The following CDKN1C variants were observed in gnomAD, a reference collection of about 807,000 sequenced individuals.
CDKN1C encodes the protein cyclin dependent kinase inhibitor 1C, also known as cyclin-dependent kinase inhibitor 1C.
In CDKN1C, 7 loss-of-function variants were observed where a neutral mutation model predicts 16.5. The observed-to-expected ratio is 0.42, with a 90% CI of 0.24 to 0.80. The LOEUF is 0.80. Ranked by LOEUF, CDKN1C falls within the 30% of genes least tolerant of loss-of-function variation. CDKN1C has a pLI of 0.26. For synonymous variants in CDKN1C, 288 were observed against 214.4 expected, an observed-to-expected ratio of 1.34 and a Z score of -3.00; for missense variants, 429 against 437.3, an observed-to-expected ratio of 0.98 and a Z score of 0.17.
chr11:2,884,963 G>T lies in CDKN1C; in HGVS notation c.494C>A (p.Ala165Glu). 9.5e-7 allele frequency: 1 copy of T among 1,047,702 alleles called. No individual in the cohort carries two copies. The highest frequency in any genetic ancestry group is 1.2e-6 in the Non-Finnish European group (1 of 835,304). The allele number at this position is 1,047,702 out of a possible 1,614,324, so 64.9% of individuals were successfully genotyped here. ...CGGGGCCGGGGCCGGGGCCAGGACCGCGACCGCGACCGGAGCCGCGACCGG... is the reference window on the plus strand; with the variant it reads ...CGGGGCCGGGGCCGGGGCCAGGACCTCGACCGCGACCGGAGCCGCGACCGG... ...AAPVAAPVAV[A>E]VLAPAPAPAP... Residue 165 changes from alanine to glutamate, a missense_variant, in exon 2 of 4, where the codon GCG becomes GAG. Ala to Glu is a moderately radical substitution (Grantham distance 107, BLOSUM62 -1). Coordinates refer to ENST00000440480, the MANE Select transcript of CDKN1C (RefSeq NM_001122630.2).
At position 2,884,704 on chromosome 11, in the gene CDKN1C, C is replaced by T. The variant is rs775458829; in HGVS notation, c.753G>A (p.Ala251=). 6.7e-7 allele frequency: 1 copy of T among 1,492,892 alleles called. No homozygotes were observed. Among genetic ancestry groups the T allele is most frequent in the Non-Finnish European group, 8.9e-7 (1 of 1,124,694 alleles). The allele number at this position is 1,492,892 out of a possible 1,614,324, so 92.5% of individuals were successfully genotyped here. The change falls in exon 2 of 4, where the codon GCG becomes GCA. Residue 251 remains alanine, a synonymous_variant. Transcript: ENST00000440480. The stretch of plus-strand genomic sequence containing the variant: ...GAGGCCCGGACAGCTTCTTGATCGC[C>T]GCGCCGTTGGCGCTGGCGGCCGCGG... The part of the protein sequence containing the change: ...AGTAAASANG[A]AIKKLSGPLI...
chr11:2,885,246 C>T lies in CDKN1C; in HGVS notation c.211G>A (p.Val71Met), dbSNP rs1446106642. 6.4e-7 allele frequency: 1 copy of T among 1,560,652 alleles called. No homozygotes were observed. The highest frequency in any genetic ancestry group is 1.2e-5 in the South Asian group (1 of 85,072). ...AACGCGGGCACCGAGTCGCTGTCCACTTCGGTCCACTGCAGGCGTCCAGGG... is the reference window on the plus strand; with the variant it reads ...AACGCGGGCACCGAGTCGCTGTCCATTTCGGTCCACTGCAGGCGTCCAGGG... ...RGPGRLQWTE[V>M]DSDSVPAFYR... is the part of the protein sequence containing the mutation. The change falls in exon 2 of 4, where the codon GTG becomes ATG. Residue 71 changes from valine (V) to methionine (M), a missense_variant. By Grantham distance (21) the Val-to-Met change is conservative. Coordinates refer to ENST00000440480, the MANE Select transcript of CDKN1C (RefSeq NM_001122630.2).
intron 2 of CDKN1C, 47 bp downstream of exon 2, chr11:2,884,623 A>G: frequency 8.7e-7 from 1 of 1,153,710 alleles, no homozygotes; most frequent in Non-Finnish European, 1.1e-6. Flanking sequence ...GGCCGGCCGG[A>G]CAAAGCGGGG....
In CDKN1C at chr11:2,885,268, A is replaced by G; in HGVS notation, c.189T>C (p.Pro63=). The G allele has an allele frequency of 6.3e-7, 1 of 1,578,292 alleles. No individual in the cohort carries two copies. The highest frequency in any genetic ancestry group is 8.6e-7 in the Non-Finnish European group (1 of 1,163,544). The part of the protein sequence containing the change: ...DFQQDMPLRG[P]GRLQWTEVDS... ...CCACTTCGGTCCACTGCAGGCGTCC[A>G]GGGCCCCGCAGCGGCATGTCCTGCT... Residue 63 remains proline, a synonymous_variant, in exon 2 of 4, where the codon CCT becomes CCC. Coordinates refer to ENST00000440480, the MANE Select transcript of CDKN1C (RefSeq NM_001122630.2).
chr11:2,884,725 C>T lies in CDKN1C; in HGVS notation c.732G>A (p.Ala244=). Reference sequence around the variant, plus strand: ...TCGCCGCGCCGTTGGCGCTGGCGGCCGCGGTGCCGGCCGCGGGACGTCCCG... The same window carrying T: ...TCGCCGCGCCGTTGGCGCTGGCGGCTGCGGTGCCGGCCGCGGGACGTCCCG... ...GISGRPAAGT[A]AASANGAAIK... is the part of the protein sequence containing the mutation. Residue 244 remains alanine (A), a synonymous_variant, in exon 2 of 4, where the codon GCG becomes GCA. Coordinates refer to ENST00000440480, the MANE Select transcript of CDKN1C (RefSeq NM_001122630.2). 6.6e-7 allele frequency: 1 copy of T among 1,505,624 alleles called. No individual in the cohort carries two copies. The highest frequency in any genetic ancestry group is 8.8e-7 in the Non-Finnish European group (1 of 1,131,524). The allele number at this position is 1,505,624 out of a possible 1,614,324, so 93.3% of individuals were successfully genotyped here. A position where few individuals can be genotyped will look rare whatever the true frequency, so the allele number is the denominator to read the frequency against.
intron 2 of CDKN1C, 71 bp downstream of exon 2, chr11:2,884,598 AG>A: frequency 1.0e-6 from 1 of 973,900 alleles, no homozygotes. Flanking sequence ...GAGGCCCCCG[AG>A]GGCTGGGGGG....
At position 2,883,321 on chromosome 11, in the gene CDKN1C, T is replaced by C. The variant is rs1386583583; in HGVS notation, c.*600A>G. 6.6e-6 allele frequency: 1 copy of C among 152,530 alleles called. No individual in the cohort carries two copies. The highest frequency in any genetic ancestry group is 6.5e-5 in the Admixed American group (1 of 15,292). 9.4% of individuals were successfully genotyped at this position (152,530 alleles called of 1,614,324 possible). A position where few individuals can be genotyped will look rare whatever the true frequency, so the allele number is the denominator to read the frequency against. Reference sequence around the variant, plus strand: ...ATTTTAACAGACTTGTCTTCAAGTTTCAGATAAACACAGTCATAATAAGAG... The same window carrying C: ...ATTTTAACAGACTTGTCTTCAAGTTCCAGATAAACACAGTCATAATAAGAG... On this transcript the variant is annotated 3_prime_UTR_variant, in exon 4 of 4. Transcript: ENST00000440480.
At chr11:2,884,230 TG>T (rs1377229672) in intron 2 of CDKN1C, 96 bp from the exon 3 acceptor site, 4 of 943,590 alleles carry the variant, frequency 4.2e-6, no homozygotes, top group Non-Finnish European at 5.2e-6. Flanking sequence ...CCGGCCGGGG[TG>T]GGGGCGCCGT....
At position 2,883,988 on chromosome 11, in the gene CDKN1C, G is replaced by A; in HGVS notation, c.*5+11C>T. 1.9e-6 allele frequency: 3 copies of A among 1,560,398 alleles called. No individual in the cohort carries two copies. Among genetic ancestry groups the A allele is most frequent in the Non-Finnish European group, 2.6e-6 (3 of 1,153,512 alleles). On this transcript the variant is annotated intron_variant, in intron 3 of 3. Coordinates refer to ENST00000440480, the MANE Select transcript of CDKN1C (RefSeq NM_001122630.2). ...CGGCCCTCCGCGCCCCCCCAGGTGCGCTGTACTCACTTGGCTCACCGCAGC... is the reference window on the plus strand; with the variant it reads ...CGGCCCTCCGCGCCCCCCCAGGTGCACTGTACTCACTTGGCTCACCGCAGC...
rs1848929025 is a variant in CDKN1C at position 2,884,836 on chromosome 11, C to G, written c.621G>C (p.Ala207=). 8.2e-7 allele frequency: 1 copy of G among 1,223,992 alleles called. No individual in the cohort carries two copies. Among genetic ancestry groups the G allele is most frequent in the African/African-American group, 1.6e-5 (1 of 61,140 alleles). 75.8% of individuals were successfully genotyped at this position (1,223,992 alleles called of 1,614,324 possible). The change falls in exon 2 of 4, where the codon GCG becomes GCC. Residue 207 remains alanine, a synonymous_variant. Coordinates refer to ENST00000440480, the MANE Select transcript of CDKN1C (RefSeq NM_001122630.2). ...CCTGCTCGGCGCTCTCTTGAGGCGC[C>G]GCGTCCGGGGCCGGGGCCGGGGCGG... ...PAPAPAPAPD[A]APQESAEQGA...
rs1554937788 is a variant in CDKN1C, at chr11:2,884,797, C to T, written c.660G>A (p.Gly220=). The T allele has an allele frequency of 2.0e-6, 3 of 1,472,418 alleles. No individual in the cohort carries two copies. Among genetic ancestry groups the T allele is most frequent in the Admixed American group, 2.1e-5 (1 of 47,942 alleles). 91.2% of individuals were successfully genotyped at this position (1,472,418 alleles called of 1,614,324 possible). A position where few individuals can be genotyped will look rare whatever the true frequency, so the allele number is the denominator to read the frequency against. Residue 220 remains glycine, a synonymous_variant, in exon 2 of 4, where the codon GGG becomes GGA. Coordinates refer to ENST00000440480, the MANE Select transcript of CDKN1C (RefSeq NM_001122630.2). ...QESAEQGANQ[G]QRGQEPLADQ... ...CAGCGAGAGGCTCCTGGCCGCGCTGCCCCTGGTTCGCGCCCTGCTCGGCGC... is the reference window on the plus strand; with the variant it reads ...CAGCGAGAGGCTCCTGGCCGCGCTGTCCCTGGTTCGCGCCCTGCTCGGCGC...
rs546016935 is a variant in CDKN1C at position 2,884,788 on chromosome 11, G to A, written c.669C>T (p.Gly223=). ...AEQGANQGQR[G]QEPLADQLHS... Reference sequence around the variant, plus strand: ...GCAGCTGGTCAGCGAGAGGCTCCTGGCCGCGCTGCCCCTGGTTCGCGCCCT... The same window carrying A: ...GCAGCTGGTCAGCGAGAGGCTCCTGACCGCGCTGCCCCTGGTTCGCGCCCT... The change falls in exon 2 of 4, where the codon GGC becomes GGT. Residue 223 remains glycine (G), a synonymous_variant. Transcript: ENST00000440480. 6.7e-7 allele frequency: 1 copy of A among 1,487,320 alleles called. No homozygotes were observed. Among genetic ancestry groups the A allele is most frequent in the Non-Finnish European group, 8.9e-7 (1 of 1,119,258 alleles). 92.1% of individuals were successfully genotyped at this position (1,487,320 alleles called of 1,614,324 possible).
In CDKN1C at chr11:2,884,920, C is replaced by G. The variant is rs550978405; in HGVS notation, c.537G>C (p.Pro179=). 3 of 848,564 alleles carry G rather than the reference C, an allele frequency of 3.5e-6. No individual in the cohort carries two copies. The highest frequency in any genetic ancestry group is 1.0e-3 in the Middle Eastern group (2 of 1,958). The allele number at this position is 848,564 out of a possible 1,614,324, so 52.6% of individuals were successfully genotyped here. The change falls in exon 2 of 4, where the codon CCG becomes CCC. Residue 179 remains proline (P), a synonymous_variant. Coordinates refer to ENST00000440480, the MANE Select transcript of CDKN1C (RefSeq NM_001122630.2). The part of the protein sequence containing the change: ...PAPAPAPAPA[P]APAPVAAPAP... ...CCGGGGCCGCGACTGGAGCCGGGGC[C>G]GGAGCCGGAGCCGGAGCCGGGGCCG... is the stretch of plus-strand genomic sequence containing the variant.
chr11:2,883,653 C>T lies in CDKN1C; in HGVS notation c.*268G>A. The T allele has an allele frequency of 4.6e-6, 3 of 656,538 alleles. No individual in the cohort carries two copies. Among genetic ancestry groups the T allele is most frequent in the Non-Finnish European group, 6.5e-6 (3 of 459,948 alleles). The allele number at this position is 656,538 out of a possible 1,614,324, so 40.7% of individuals were successfully genotyped here. ...TTTTTCTTTTTTTTGCACTGAGTTT[C>T]AGCAGAGATTAAACATTTTATATAA... On this transcript the variant is annotated 3_prime_UTR_variant, in exon 4 of 4. Coordinates refer to ENST00000440480, the MANE Select transcript of CDKN1C (RefSeq NM_001122630.2).
intron 2 of CDKN1C, 80 bp from the exon 3 acceptor site, chr11:2,884,214 CG>C: frequency 8.8e-7 from 1 of 1,142,284 alleles, no homozygotes; most frequent in Non-Finnish European, 1.1e-6. Flanking sequence ...GGGCGCGGGG[CG>C]CGGGCCGGCC....
chr11:2,884,690 A>G lies in CDKN1C; in HGVS notation c.767T>C (p.Leu256Pro), dbSNP rs1254038235. The G allele has an allele frequency of 3.4e-6, 5 of 1,471,148 alleles. No homozygotes were observed. Among genetic ancestry groups the G allele is most frequent in the Admixed American group, 2.2e-5 (1 of 46,052 alleles). 91.1% of individuals were successfully genotyped at this position (1,471,148 alleles called of 1,614,324 possible). A position where few individuals can be genotyped will look rare whatever the true frequency, so the allele number is the denominator to read the frequency against. The change falls in exon 2 of 4, where the codon CTG (leucine) becomes CCG (proline). Residue 256 changes from leucine (L) to proline (P), a missense_variant. By Grantham distance (98) the Leu-to-Pro change is moderately conservative (BLOSUM62 -3). Coordinates refer to ENST00000440480, the MANE Select transcript of CDKN1C (RefSeq NM_001122630.2). ...CTCACCGGAGATCAGAGGCCCGGAC[A>G]GCTTCTTGATCGCCGCGCCGTTGGC... ...ASANGAAIKK[L>P]SGPLISDFFA...
chr11:2,885,053 G>A lies in CDKN1C; in HGVS notation c.404C>T (p.Ser135Phe). ...LPSVPVPAPA[S>F]TPPPVPVLAP... The stretch of plus-strand genomic sequence containing the variant: ...CAGGACCGGGACTGGGGGCGGGGTG[G>A]ACGCCGGGGCCGGGACCGGGACACT... The change falls in exon 2 of 4, where the codon TCC (serine) becomes TTC (phenylalanine). Residue 135 changes from serine to phenylalanine, a missense_variant. Coordinates refer to ENST00000440480, the MANE Select transcript of CDKN1C (RefSeq NM_001122630.2). 1 of 1,345,432 alleles carries A rather than the reference G, an allele frequency of 7.4e-7. No individual in the cohort carries two copies. Among genetic ancestry groups the A allele is most frequent in the Non-Finnish European group, 9.5e-7 (1 of 1,056,132 alleles). 83.3% of individuals were successfully genotyped at this position (1,345,432 alleles called of 1,614,324 possible). A position where few individuals can be genotyped will look rare whatever the true frequency, so the allele number is the denominator to read the frequency against.
Position 2,883,727 on chromosome 11 carries a change from G to T in CDKN1C, c.*194C>A. 7.3e-7 allele frequency: 1 copy of T among 1,374,268 alleles called. No individual in the cohort carries two copies. The highest frequency in any genetic ancestry group is 1.6e-5 in the South Asian group (1 of 64,354). The allele number at this position is 1,374,268 out of a possible 1,614,324, so 85.1% of individuals were successfully genotyped here. The stretch of plus-strand genomic sequence containing the variant: ...TGGGACCAGTGTACCTTCTCGTGCA[G>T]AATACATTTAGATATAAAAAGACGT... On this transcript the variant is annotated 3_prime_UTR_variant, in exon 4 of 4. Coordinates refer to ENST00000440480, the MANE Select transcript of CDKN1C (RefSeq NM_001122630.2).
rs754196288 is a variant in CDKN1C, at chr11:2,884,634, C to A, written c.787+36G>T. The A allele has an allele frequency of 4.0e-5, 47 of 1,185,742 alleles. No homozygotes were observed. In the African/African-American group the frequency reaches 6.4e-4, roughly 16 times the overall value. The allele number at this position is 1,185,742 out of a possible 1,614,324, so 73.5% of individuals were successfully genotyped here. A position where few individuals can be genotyped will look rare whatever the true frequency, so the allele number is the denominator to read the frequency against. On this transcript the variant is annotated intron_variant, in intron 2 of 3. Coordinates refer to ENST00000440480, the MANE Select transcript of CDKN1C (RefSeq NM_001122630.2). ...GACCGGCCGGCCGGACAAAGCGGGG[C>A]CGGGCCGGGCCGGGGCGGGGCCGTG...
Sources: allele counts gnomAD v4.1 joint callset, GRCh38; gene constraint gnomAD v4.1.1; transcripts MANE v1.5; gene names NCBI Gene and HGNC (gene_info 2026-07-23, HGNC 2026-07-21).